Variants in RTKN observed in about 807,000 individuals in gnomAD.
The protein encoded by RTKN is rhotekin.
A neutral mutation model predicts 63.5 loss-of-function variants in RTKN; 49 were observed. That is an observed-to-expected ratio of 0.77 (90% CI 0.61 to 0.98). RTKN has a LOEUF of 0.98. RTKN is among the 50% of genes least tolerant of loss of function. RTKN has a pLI of 0.00. For missense variants in RTKN, 685 were observed against 740.8 expected, an observed-to-expected ratio of 0.92 and a Z score of 0.87; for synonymous variants, 295 against 290.4, an observed-to-expected ratio of 1.02 and a Z score of -0.16.
In RTKN at chr2:74,428,640, G is replaced by A; in HGVS notation, c.948C>T (p.Leu316=). Residue 316 remains leucine (L), a synonymous_variant, in exon 8 of 12, where the codon CTC becomes CTT. Transcript: ENST00000272430. The part of the protein sequence containing the change: ...CMTQPTASGT[L]RVQQAGEMQN... ...CTCAGGGCCCCCTCACCTGCACCCT[G>A]AGGGTACCACTTGCAGTGGGCTGAG... The A allele has an allele frequency of 6.2e-7, 1 of 1,613,432 alleles. No individual in the cohort carries two copies. The highest frequency in any genetic ancestry group is 8.5e-7 in the Non-Finnish European group (1 of 1,179,680).
chr2:74,432,222 C>T, intron 2 of RTKN: 1 of 668,424 alleles, frequency 1.5e-6, no homozygotes, highest in East Asian at 2.8e-5. Flanking sequence ...TACTTGCTAC[C>T]CTTCAGATCA....
rs1185496387 is a variant in RTKN, at chr2:74,436,908, G to C, written c.112-4242C>G. Among the ~76,000 whole-genome samples, 2 of 152,080 alleles carry C rather than the reference G, an allele frequency of 1.3e-5. No individual in the cohort carries two copies. Among genetic ancestry groups the C allele is most frequent in the Non-Finnish European group, 2.9e-5 (2 of 68,010 alleles). ...CCACCCAAACACACCCTCTCCCCAA[G>C]CGGGCAGCATTTCCCCTGGGAAAGA... On this transcript the variant is annotated intron_variant, in intron 1 of 11. Transcript: ENST00000272430. This position sits in a 1 kb window ranked among gnomAD's most constrained non-coding sequence, Gnocchi z 4.3.
intron 1 of RTKN, chr2:74,440,223 A>G: frequency 2.0e-6 from 1 of 496,302 alleles, no homozygotes; most frequent in Non-Finnish European, 2.6e-6. Context: ...CACACAGGTG[A>G]GGACCTCAGG....
At chr2:74,440,047 G>A (rs1171311963) in intron 1 of RTKN, 3 of 970,708 alleles carry the variant, frequency 3.1e-6, no homozygotes, top group Non-Finnish European at 3.8e-6. Flanking sequence ...TCCCTGGCCT[G>A]GTGGACAGGG....
intron 1 of RTKN, among the ~76,000 whole-genome samples, chr2:74,438,578 C>A (rs1207113514): frequency 1.3e-5 from 2 of 152,256 alleles, no homozygotes; most frequent in Non-Finnish European, 2.9e-5. Flanking sequence ...AATCCAGGTG[C>A]CTTATCATGG....
At position 74,426,163 on chromosome 2, in the gene RTKN, A is replaced by C; in HGVS notation, c.*80T>G. 2 of 1,315,206 alleles carry C rather than the reference A, an allele frequency of 1.5e-6. No individual in the cohort carries two copies. Among genetic ancestry groups the C allele is most frequent in the Non-Finnish European group, 2.2e-6 (2 of 929,454 alleles). The allele number at this position is 1,315,206 out of a possible 1,614,324, so 81.5% of individuals were successfully genotyped here. On this transcript the variant is annotated 3_prime_UTR_variant, in exon 12 of 12. Coordinates refer to ENST00000272430, the MANE Select transcript of RTKN (RefSeq NM_001015055.2). ...GAGGCCAGACTGGCCAACTTGCTAT[A>C]GACAGCGCCGTATCCAGAGCCCAAC... is the stretch of plus-strand genomic sequence containing the variant.
At chr2:74,429,646 T>C (rs1670621068) in intron 6 of RTKN, among the ~76,000 whole-genome samples, 182 bp downstream of exon 6, 1 of 152,220 alleles carries the variant, frequency 6.6e-6, no homozygotes, top group African/African-American at 2.4e-5. Flanking sequence ...CTGGACTGGC[T>C]TCAGCCCAGC....
chr2:74,439,688 C>G (rs1671246200), intron 1 of RTKN: 3 of 1,603,040 alleles, frequency 1.9e-6, no homozygotes, highest in Middle Eastern at 1.6e-4. Context: ...AGGTACCACA[C>G]TGTCCCACAG....
chr2:74,426,498 G>A lies in RTKN; in HGVS notation c.1437C>T (p.Pro479=). 6.3e-7 allele frequency: 1 copy of A among 1,593,354 alleles called. No homozygotes were observed. Among genetic ancestry groups the A allele is most frequent in the East Asian group, 2.2e-5 (1 of 44,590 alleles). The change falls in exon 12 of 12, where the codon CCC becomes CCT. Residue 479 remains proline, a synonymous_variant. Transcript: ENST00000272430. The part of the protein sequence containing the change: ...TQREGARLET[P]PPWLAMFTDQ... ...CTGTAAACATTGCCAGCCAGGGTGG[G>A]GGTGTCTCCAGCCTTGCGCCCTCCC...
At chr2:74,428,459 C>T (rs912657802) in intron 8 of RTKN, 63 bp from the exon 9 acceptor site, 102 of 1,612,262 alleles carry the variant, frequency 6.3e-5, no homozygotes, top group Non-Finnish European at 8.2e-5. Flanking sequence ...CTTCTCAGCC[C>T]CCCATGAGAA....
At chr2:74,439,414 T>C (rs575891424) in intron 1 of RTKN, 4 of 908,742 alleles carry the variant, frequency 4.4e-6, no homozygotes, top group South Asian at 3.0e-5. Flanking sequence ...ACACAAGGCA[T>C]AGGGAACCAC....
chr2:74,440,934 C>G (rs376109155), intron 1 of RTKN, among the ~76,000 whole-genome samples: 2 of 152,250 alleles, frequency 1.3e-5, no homozygotes, highest in African/African-American at 2.4e-5. Flanking sequence ...TGGAACTGGG[C>G]TCTCCTTGGG....
rs565489272 is a variant in RTKN, at chr2:74,432,566, G to T, written c.212C>A (p.Ala71Asp). The change falls in exon 2 of 12, where the codon GCC (alanine) becomes GAC (aspartate). Residue 71 changes from alanine to aspartate, a missense_variant. Physicochemically the swap from Ala to Asp is moderately radical, Grantham distance 126 (BLOSUM62 -2). Coordinates refer to ENST00000272430, the MANE Select transcript of RTKN (RefSeq NM_001015055.2). ...ACSQREQALE[A>D]TKSLLVCNSR... is the part of the protein sequence containing the mutation. ...GTTGCACACTAGCAGGCTCTTGGTG[G>T]CCTCCAGAGCCTGCTCTCGCTGGGA... 2 of 1,613,922 alleles carry T rather than the reference G, an allele frequency of 1.2e-6. No homozygotes were observed. Among genetic ancestry groups the T allele is most frequent in the South Asian group, 2.2e-5 (2 of 91,084 alleles).
rs562103997 is a variant in RTKN, at chr2:74,426,229, A to G, written c.*14T>C. The G allele has an allele frequency of 3.7e-6, 6 of 1,610,608 alleles. No homozygotes were observed. The highest frequency in any genetic ancestry group is 1.7e-4 in the Middle Eastern group (1 of 6,052). On this transcript the variant is annotated 3_prime_UTR_variant, in exon 12 of 12. Transcript: ENST00000272430. ...TTCTCTTCTGGGCAGATCCTATGCC[A>G]GCACCTTTCTCTCTCACACTGGTGA...
rs780865315 is a variant in RTKN, at chr2:74,427,287, G to A, written c.1256-14C>T. 3 of 1,612,516 alleles carry A rather than the reference G, an allele frequency of 1.9e-6. No homozygotes were observed. Among genetic ancestry groups the A allele is most frequent in the African/African-American group, 1.3e-5 (1 of 74,866 alleles). ...GCTTCCATTGGCCTGGAAGAAGAGC[G>A]CTGATTAAAAGAGAGAGCCAGGCTG... is the stretch of plus-strand genomic sequence containing the variant. On this transcript the variant is annotated splice_polypyrimidine_tract_variant and intron_variant, in intron 10 of 11. Coordinates refer to ENST00000272430, the MANE Select transcript of RTKN (RefSeq NM_001015055.2).
At chr2:74,434,144 C>G (rs1670924334) in intron 1 of RTKN, among the ~76,000 whole-genome samples, 1 of 151,950 alleles carries the variant, frequency 6.6e-6, no homozygotes, top group African/African-American at 2.4e-5. Flanking sequence ...ACTCTGTCAC[C>G]CAAGCTGGAG....
intron 1 of RTKN, among the ~76,000 whole-genome samples, chr2:74,434,287 T>G (rs1414759840): frequency 6.6e-6 from 1 of 151,066 alleles, no homozygotes; most frequent in Non-Finnish European, 1.5e-5. Flanking sequence ...ATTCTTTTTT[T>G]TTTTTTTTTT....
At chr2:74,441,592 C>G in intron 1 of RTKN, 114 bp downstream of exon 1, 1 of 731,428 alleles carries the variant, frequency 1.4e-6, no homozygotes, top group Middle Eastern at 3.8e-4. Flanking sequence ...GGTTTGTACC[C>G]AGACCGTGCG....
In RTKN at chr2:74,441,765, G is replaced by A; in HGVS notation, c.52C>T (p.Leu18=). The A allele has an allele frequency of 6.2e-7, 1 of 1,612,240 alleles. No individual in the cohort carries two copies. Among genetic ancestry groups the A allele is most frequent in the Non-Finnish European group, 8.5e-7 (1 of 1,179,662 alleles). Residue 18 remains leucine (L), a synonymous_variant, in exon 1 of 12, where the codon CTG becomes TTG. Transcript: ENST00000272430. Reference sequence around the variant, plus strand: ...CGGCCGCGTTTGAACTCCATCTCCAGGGCGGAGCCCCTGGCCACGGTGACC... The same window carrying A: ...CGGCCGCGTTTGAACTCCATCTCCAAGGCGGAGCCCCTGGCCACGGTGACC... The part of the protein sequence containing the change: ...SRVTVARGSA[L]EMEFKRGRFR...
Sources: allele counts gnomAD v4.1 joint callset (sites outside exome capture counted in the v4.1 genomes callset), GRCh38; gene constraint gnomAD v4.1.1; non-coding constraint Gnocchi (gnomAD v3.1); transcripts MANE v1.5; gene names NCBI Gene and HGNC (gene_info 2026-07-23, HGNC 2026-07-21).